The following DLG2 variants were observed in gnomAD, a reference collection of about 807,000 sequenced individuals.
DLG2 encodes the protein disks large homolog 2.
A neutral mutation model predicts 132.5 loss-of-function variants in DLG2; 45 were observed. That is an observed-to-expected ratio of 0.34 (90% CI 0.27 to 0.44). The LOEUF is 0.44. Among genes scored for constraint, DLG2 ranks in the 20% least tolerant of loss-of-function variants. The pLI, the probability that DLG2 is intolerant of heterozygous loss-of-function variation, is 1.00. For synonymous variants in DLG2, 424 were observed against 419.6 expected (o/e 1.01, Z -0.13); for missense variants, 1,045 against 1,196.9 (o/e 0.87, Z 1.87).
rs141658675 is a variant in DLG2 at position 84,310,213 on chromosome 11, T to A, written c.520-58922A>T. Among the ~76,000 whole-genome samples, 89 of 152,236 alleles carry A rather than the reference T, an allele frequency of 5.8e-4. 1 individual carries two copies. The East Asian group carries it at 0.016, about 28-fold the overall frequency. On this transcript the variant is annotated intron_variant, in intron 7 of 27. Transcript: ENST00000376104. ...AGGGTATTTTACCTCCCAGCATACT[T>A]CAAAAGGTCTTATTTTTGCAAGACG...
At chr11:85,607,545 T>C (rs575640304) in intron 2 of DLG2, among the ~76,000 whole-genome samples, 1 of 152,358 alleles carries the variant, frequency 6.6e-6, no homozygotes, top group African/African-American at 2.4e-5. Context: ...CCACTCGCTC[T>C]CTCTGGTGCT....
intron 21 of DLG2, among the ~76,000 whole-genome samples, chr11:83,489,959 T>TGAC (rs57655256): frequency 6.6e-6 from 1 of 151,004 alleles, no homozygotes; most frequent in Admixed American, 6.6e-5. Context: ...AGGCATGAGA[T>TGAC]ATAAACTTAG....
At chr11:83,615,299 C>T (rs1357044874) in intron 19 of DLG2, among the ~76,000 whole-genome samples, 1 of 152,198 alleles carries the variant, frequency 6.6e-6, no homozygotes, top group Non-Finnish European at 1.5e-5. Flanking sequence ...CTTTACAAGG[C>T]AATTGACATT....
chr11:83,657,709 T>G (rs1033001120), intron 18 of DLG2, among the ~76,000 whole-genome samples: 1 of 151,888 alleles, frequency 6.6e-6, no homozygotes. Context: ...TGGCTAATTT[T>G]TTTTGTATTT....
At chr11:84,593,119 CAA>C (rs750800070) in intron 6 of DLG2, among the ~76,000 whole-genome samples, 19 of 115,600 alleles carry the variant, frequency 1.6e-4, no homozygotes, top group Non-Finnish European at 1.3e-4. Flanking sequence ...ACTCCATCTC[CAA>C]AAAAAAAAAA....
intron 7 of DLG2, among the ~76,000 whole-genome samples, chr11:84,283,744 G>A (rs1409262444): frequency 2.0e-5 from 3 of 152,078 alleles, no homozygotes; most frequent in African/African-American, 7.2e-5. Context: ...AGCTCAGAGA[G>A]CAGAAGCCAA....
intron 6 of DLG2, among the ~76,000 whole-genome samples, chr11:85,069,681 AG>A (rs2065500386): frequency 6.6e-6 from 1 of 152,172 alleles, no homozygotes; most frequent in South Asian, 2.1e-4. Flanking sequence ...GTGGAGAAAT[AG>A]GAACACTTTT....
intron 18 of DLG2, chr11:83,651,854 G>A (rs1002353034): frequency 9.8e-5 from 46 of 471,008 alleles, no homozygotes; most frequent in Non-Finnish European, 1.9e-4. Flanking sequence ...TCAGAGCTAC[G>A]AAGGTCACAT....
At chr11:85,317,335 C>T (rs1205256135) in intron 3 of DLG2, among the ~76,000 whole-genome samples, 1 of 151,826 alleles carries the variant, frequency 6.6e-6, no homozygotes, top group Non-Finnish European at 1.5e-5. Context: ...GAGAAACTAA[C>T]ATGCCAACTT....
At chr11:85,398,087 C>T (rs1327923336) in intron 3 of DLG2, among the ~76,000 whole-genome samples, 1 of 152,158 alleles carries the variant, frequency 6.6e-6, no homozygotes. Context: ...TCTCTCAGAC[C>T]ACAGTGCAAT....
At chr11:84,279,400 C>A (rs549390476) in intron 7 of DLG2, among the ~76,000 whole-genome samples, 1 of 152,074 alleles carries the variant, frequency 6.6e-6, no homozygotes, top group African/African-American at 2.4e-5. Context: ...GATAGTGTGG[C>A]GATTCCTCAA....
chr11:84,575,196 T>C (rs1181786072), intron 6 of DLG2, among the ~76,000 whole-genome samples: 1 of 152,168 alleles, frequency 6.6e-6, no homozygotes, highest in East Asian at 1.9e-4. Context: ...GATAAAAATC[T>C]GAGCTCCTAA....
At chr11:85,263,639 T>A (rs2077055685) in intron 4 of DLG2, among the ~76,000 whole-genome samples, 1 of 152,156 alleles carries the variant, frequency 6.6e-6, no homozygotes, top group African/African-American at 2.4e-5. Context: ...AACTCTAAAC[T>A]CTCACCCTAT....
At chr11:83,711,810 T>C (rs1324351406) in intron 18 of DLG2, among the ~76,000 whole-genome samples, 1 of 149,152 alleles carries the variant, frequency 6.7e-6, no homozygotes, top group Non-Finnish European at 1.5e-5. Context: ...CTAGGTCACC[T>C]GAGAGCTTGC....
chr11:84,201,192 A>G (rs552435838), intron 8 of DLG2, among the ~76,000 whole-genome samples: 2 of 152,272 alleles, frequency 1.3e-5, no homozygotes, highest in Admixed American at 6.5e-5. Context: ...TTCCACCTCT[A>G]TTGAGATAAT....
intron 3 of DLG2, among the ~76,000 whole-genome samples, chr11:85,466,928 C>A (rs2092811194): frequency 6.6e-6 from 1 of 152,138 alleles, no homozygotes; most frequent in Admixed American, 6.6e-5. Context: ...GATATTGATT[C>A]TTCCTACCCA....
intron 6 of DLG2, among the ~76,000 whole-genome samples, chr11:84,819,180 T>A (rs2077410679): frequency 6.6e-6 from 1 of 151,300 alleles, no homozygotes. Context: ...AAGATCAACT[T>A]GCTGTAAGTC....
At chr11:85,257,435 T>A (rs2076726670) in intron 4 of DLG2, among the ~76,000 whole-genome samples, 1 of 152,178 alleles carries the variant, frequency 6.6e-6, no homozygotes, top group African/African-American at 2.4e-5. Flanking sequence ...TGAGAGTCAA[T>A]GTTGAATTTT....
intron 16 of DLG2, among the ~76,000 whole-genome samples, chr11:83,841,849 T>C (rs2057601807): frequency 6.6e-6 from 1 of 152,194 alleles, no homozygotes; most frequent in African/African-American, 2.4e-5. Flanking sequence ...TTAGGCACTG[T>C]GAATACAAAG....
Sources: gnomAD v4.1 joint callset for allele counts (sites outside exome capture counted in the v4.1 genomes callset) on GRCh38, gnomAD v4.1.1 for gene constraint, MANE v1.5 for transcripts, NCBI Gene and HGNC (gene_info 2026-07-23, HGNC 2026-07-21) for gene names.